Variants in OTOGL observed in about 807,000 individuals in gnomAD.
OTOGL encodes otogelin like.
A neutral mutation model predicts 318.5 loss-of-function variants in OTOGL; 285 were observed. That is an observed-to-expected ratio of 0.89 (90% confidence interval 0.81 to 0.99). The LOEUF (loss-of-function observed/expected upper bound fraction) is 0.99. OTOGL is among the 50% of genes least tolerant of loss of function. The pLI, the probability that OTOGL is intolerant of heterozygous loss-of-function variation, is 0.00. For synonymous variants in OTOGL, 987 were observed against 936.5 expected (o/e 1.05, Z -0.99); for missense variants, 2,899 against 2,845.6 (o/e 1.02, Z -0.43).
chr12:80,132,848 C>G (rs1425414380), intron 1 of OTOGL: 2 of 152,240 alleles, frequency 1.3e-5, no homozygotes, highest in East Asian at 3.9e-4. Flanking sequence ...GCATGTCAAG[C>G]AGGTTGAACA....
intron 44 of OTOGL, among the ~76,000 whole-genome samples, chr12:80,344,544 T>C (rs1889038034): frequency 1.3e-5 from 2 of 152,180 alleles, no homozygotes; most frequent in African/African-American, 4.8e-5. Flanking sequence ...GTGTGGGTTT[T>C]GTTTATTGTA....
In OTOGL at chr12:80,301,482, C is replaced by G. The variant is rs936860821; in HGVS notation, c.3064-1152C>G. Among the ~76,000 whole-genome samples the G allele has an allele frequency of 3.9e-5, 6 of 152,118 alleles. No individual in the cohort carries two copies. In the East Asian group the frequency reaches 1.2e-3, roughly 29 times the overall value. ...CTGGATAACTTGGTTGCAAACGTCTCAGGCTATGATCCATCATGTAATTCA... is the reference window on the plus strand; with the variant it reads ...CTGGATAACTTGGTTGCAAACGTCTGAGGCTATGATCCATCATGTAATTCA... On this transcript the variant is annotated intron_variant, in intron 27 of 58. Coordinates refer to ENST00000547103, the MANE Select transcript of OTOGL (RefSeq NM_001378609.3).
At chr12:80,126,367 T>A (rs1317960255) in intron 1 of OTOGL, among the ~76,000 whole-genome samples, 1 of 152,238 alleles carries the variant, frequency 6.6e-6, no homozygotes, top group African/African-American at 2.4e-5. Context: ...AGTTTCTTAA[T>A]CCTGAATTCT....
intron 21 of OTOGL, among the ~76,000 whole-genome samples, chr12:80,266,934 A>G (rs962723502): frequency 1.3e-5 from 2 of 152,158 alleles, no homozygotes; most frequent in African/African-American, 4.8e-5. Flanking sequence ...TTACACACGA[A>G]GTAAAGCCCT....
chr12:80,145,363 G>A (rs1189256215), intron 1 of OTOGL, among the ~76,000 whole-genome samples: 2 of 152,126 alleles, frequency 1.3e-5, no homozygotes, highest in African/African-American at 4.8e-5. Flanking sequence ...AGATCAGATA[G>A]TTGTAGATAT....
At chr12:80,204,247 G>A (rs181555695) in intron 1 of OTOGL, among the ~76,000 whole-genome samples, 3 of 152,168 alleles carry the variant, frequency 2.0e-5, no homozygotes, top group East Asian at 3.9e-4. Context: ...TCACAGTAAT[G>A]CCATATCTCC....
chr12:80,171,558 G>A (rs1043554542), intron 1 of OTOGL, among the ~76,000 whole-genome samples: 8 of 152,024 alleles, frequency 5.3e-5, no homozygotes, highest in African/African-American at 1.9e-4. Context: ...ATACCATACT[G>A]TTTTGATCAC....
At chr12:80,232,033 G>A (rs1879413022) in intron 8 of OTOGL, among the ~76,000 whole-genome samples, 3 of 152,080 alleles carry the variant, frequency 2.0e-5, no homozygotes, top group South Asian at 4.1e-4. Context: ...GGATAATTGT[G>A]TTCTTTCAAA....
chr12:80,256,419 G>A lies in OTOGL; in HGVS notation c.1670G>A (p.Gly557Glu). 1 of 1,590,062 alleles carries A rather than the reference G, an allele frequency of 6.3e-7. No individual in the cohort carries two copies. The highest frequency in any genetic ancestry group is 1.3e-5 in the African/African-American group (1 of 74,836). Residue 557 changes from glycine (G) to glutamate (E), a missense_variant, in exon 17 of 59, where the codon GGA becomes GAA. This residue lies in a region of OTOGL where 2,607 missense variants were observed against 2,524.9 expected (regional missense o/e 1.03). Coordinates refer to ENST00000547103, the MANE Select transcript of OTOGL (RefSeq NM_001378609.3). ...FNKQVTLGRG[G>E]QILTSPNQGF... Reference sequence around the variant, plus strand: ...AAACAAGTGACCCTTGGTAGGGGAGGACAAATTCTCACTAGTCCTAACCAA... The same window carrying A: ...AAACAAGTGACCCTTGGTAGGGGAGAACAAATTCTCACTAGTCCTAACCAA...
chr12:80,358,705 C>T lies in OTOGL; in HGVS notation c.6156C>T (p.Leu2052=), dbSNP rs34323912. Residue 2052 remains leucine, a synonymous_variant, in exon 51 of 59, where the codon CTC becomes CTT. Coordinates refer to ENST00000547103, the MANE Select transcript of OTOGL (RefSeq NM_001378609.3). ...CAAACCTTTGTCCTATGCCATTACT[C>T]AACTGTGCAGAAGATATGAATCTTG... is the stretch of plus-strand genomic sequence containing the variant. The part of the protein sequence containing the change: ...CEPNLCPMPL[L]NCAEDMNLVK... 1.6e-3 allele frequency: 2,624 copies of T among 1,613,086 alleles called. 32 individuals are homozygous for T. The African/African-American group carries it at 0.027, about 16-fold the overall frequency.
At chr12:80,240,142 G>A (rs559945759) in intron 11 of OTOGL, among the ~76,000 whole-genome samples, 9 of 152,026 alleles carry the variant, frequency 5.9e-5, no homozygotes, top group Non-Finnish European at 1.0e-4. Flanking sequence ...ATGGACACAG[G>A]TTGATTCCAT....
rs190507555 is a variant in OTOGL at position 80,116,375 on chromosome 12, T to A, written c.-20+16770T>A. ...CTGCTTCTGCTTGCCCTCTGTGGGC[T>A]GCATCCACTGTCTAACAAGTCCCAG... On this transcript the variant is annotated intron_variant, in intron 1 of 58. Transcript: ENST00000547103. 2.1e-4 allele frequency among the ~76,000 whole-genome samples: 32 copies of A among 152,126 alleles called. No homozygotes were observed. In the East Asian group the frequency reaches 6.0e-3, roughly 29 times the overall value.
chr12:80,341,419 A>T (rs1888760724), intron 43 of OTOGL, among the ~76,000 whole-genome samples: 1 of 152,190 alleles, frequency 6.6e-6, no homozygotes, highest in Admixed American at 6.5e-5. Context: ...TGCTAATGCA[A>T]GGGAATGAAG....
intron 38 of OTOGL, 43 bp from the exon 39 acceptor site, chr12:80,335,920 T>C (rs1177635798): frequency 6.8e-7 from 1 of 1,461,852 alleles, no homozygotes; most frequent in South Asian, 1.4e-5. Flanking sequence ...TTAAAAACAT[T>C]AGCTGAGAAT....
At chr12:80,124,462 C>A (rs1268257783) in intron 1 of OTOGL, among the ~76,000 whole-genome samples, 2 of 152,146 alleles carry the variant, frequency 1.3e-5, no homozygotes, top group Admixed American at 6.5e-5. Context: ...GGTTTGAAGT[C>A]AGGTAGCATG....
intron 1 of OTOGL, among the ~76,000 whole-genome samples, chr12:80,156,951 T>C (rs1251672515): frequency 6.6e-6 from 1 of 152,140 alleles, no homozygotes; most frequent in Non-Finnish European, 1.5e-5. Flanking sequence ...TTTGGGTATA[T>C]ACCCAGCAGT....
intron 11 of OTOGL, among the ~76,000 whole-genome samples, chr12:80,240,192 G>A (rs1302390496): frequency 1.3e-5 from 2 of 152,024 alleles, no homozygotes; most frequent in Admixed American, 6.6e-5. Context: ...AAACACAGGA[G>A]TGCAAATATC....
intron 1 of OTOGL, among the ~76,000 whole-genome samples, chr12:80,178,689 C>T (rs188578768): frequency 1.8e-4 from 27 of 152,286 alleles, no homozygotes; most frequent in African/African-American, 6.0e-4. Context: ...GCCTGATGTA[C>T]AGTATCTGAG....
rs114631500 is a variant in OTOGL at position 80,254,673 on chromosome 12, C to T, written c.1441+103C>T. The T allele has an allele frequency of 2.4e-3, 2,080 of 878,210 alleles. 29 individuals carry two copies. In the African/African-American group the frequency reaches 0.032, roughly 14 times the overall value. The allele number at this position is 878,210 out of a possible 1,614,324, so 54.4% of individuals were successfully genotyped here. ...GAAGACATCTCATATATACCAAGGG[C>T]TACAATAATCTGTAAATGCAATTAC... On this transcript the variant is annotated intron_variant, in intron 15 of 58. Coordinates refer to ENST00000547103, the MANE Select transcript of OTOGL (RefSeq NM_001378609.3).
Sources: gnomAD v4.1 joint callset for allele counts (sites outside exome capture counted in the v4.1 genomes callset) on GRCh38, gnomAD v4.1.1 for gene constraint, gnomAD v4.1.1 regional missense constraint, MANE v1.5 for transcripts, NCBI Gene and HGNC (gene_info 2026-07-23, HGNC 2026-07-21) for gene names.